Variants in RBMS3 observed in about 807,000 individuals in gnomAD.
RBMS3 encodes the protein RNA binding motif single stranded interacting protein 3, also known as RNA-binding motif, single-stranded-interacting protein 3.
A neutral mutation model predicts 66.8 loss-of-function variants in RBMS3; 27 were observed. That is an observed-to-expected ratio of 0.40 (90% CI 0.30 to 0.56). RBMS3 has a LOEUF of 0.56. Among genes scored for constraint, RBMS3 ranks in the 20% least tolerant of loss-of-function variants. The pLI is 0.40. For synonymous variants in RBMS3, 188 were observed against 183.0 expected (o/e 1.03, Z -0.22); for missense variants, 513 against 549.5 (o/e 0.93, Z 0.66).
At chr3:29,683,121 C>T (rs1202255936) in intron 4 of RBMS3, among the ~76,000 whole-genome samples, 1 of 152,064 alleles carries the variant, frequency 6.6e-6, no homozygotes, top group Non-Finnish European at 1.5e-5. Flanking sequence ...TTTTACTACC[C>T]GGCTTCCTAC....
chr3:29,602,735 G>T (rs2048189510), intron 4 of RBMS3, among the ~76,000 whole-genome samples: 1 of 151,726 alleles, frequency 6.6e-6, no homozygotes, highest in African/African-American at 2.4e-5. Flanking sequence ...TTTTTGTTAT[G>T]GTAAAGACAT....
intron 4 of RBMS3, among the ~76,000 whole-genome samples, chr3:29,599,943 A>G (rs2048087485): frequency 6.6e-6 from 1 of 152,126 alleles, no homozygotes; most frequent in Non-Finnish European, 1.5e-5. Flanking sequence ...AAAAAGATGT[A>G]AGCATACAAG....
intron 12 of RBMS3, among the ~76,000 whole-genome samples, chr3:29,978,724 G>A (rs1697765633): frequency 6.6e-6 from 1 of 151,828 alleles, no homozygotes; most frequent in Non-Finnish European, 1.5e-5. Context: ...AATTATTAAA[G>A]GCCATTAAAA....
At chr3:29,538,416 T>G (rs532013378) in intron 3 of RBMS3, among the ~76,000 whole-genome samples, 10 of 152,176 alleles carry the variant, frequency 6.6e-5, no homozygotes, top group Admixed American at 5.2e-4. Flanking sequence ...GATTATTGAG[T>G]GCGAAGTTTC....
chr3:29,391,460 T>C (rs1176869754), intron 1 of RBMS3, among the ~76,000 whole-genome samples: 1 of 152,134 alleles, frequency 6.6e-6, no homozygotes, highest in African/African-American at 2.4e-5. Flanking sequence ...TGTGACAAAC[T>C]GTGACTTCAT....
rs978853325 is a variant in RBMS3, at chr3:29,338,277, G to T, written c.75+56521G>T. Among the ~76,000 whole-genome samples, 3 of 152,112 alleles carry T rather than the reference G, an allele frequency of 2.0e-5. No individual in the cohort carries two copies. In the South Asian group the frequency reaches 6.2e-4, roughly 31 times the overall value. ...AAATATCACAAATGAGGCTTAGAAT[G>T]TATTTAATACTTCATCTATGAGTTA... is the stretch of plus-strand genomic sequence containing the variant. On this transcript the variant is annotated intron_variant, in intron 1 of 14. Coordinates refer to ENST00000383767, the MANE Select transcript of RBMS3 (RefSeq NM_001003793.3).
intron 3 of RBMS3, among the ~76,000 whole-genome samples, chr3:29,559,631 C>T (rs1363447723): frequency 6.8e-6 from 1 of 146,690 alleles, no homozygotes; most frequent in African/African-American, 2.5e-5. Context: ...CTTGCTTGTT[C>T]CAGGATTTTC....
intron 4 of RBMS3, among the ~76,000 whole-genome samples, chr3:29,646,103 G>C (rs138864300): frequency 2.6e-4 from 40 of 152,304 alleles, no homozygotes; most frequent in African/African-American, 9.4e-4. Flanking sequence ...CTGTATGCCT[G>C]TTTAAATTGA....
intron 1 of RBMS3, among the ~76,000 whole-genome samples, chr3:29,344,423 C>G (rs1302363854): frequency 2.0e-5 from 3 of 152,150 alleles, no homozygotes; most frequent in African/African-American, 7.2e-5. Flanking sequence ...CTTAACAAAA[C>G]AAGGGCAAAT....
intron 1 of RBMS3, among the ~76,000 whole-genome samples, chr3:29,318,370 G>A (rs1217456209): frequency 6.6e-6 from 1 of 151,866 alleles, no homozygotes; most frequent in African/African-American, 2.4e-5. Context: ...CAAAGATGCA[G>A]AAGCCCTAAC....
Position 29,868,726 on chromosome 3 carries a change from G to A in RBMS3, c.638-132G>A, listed in dbSNP as rs527648409. 1.5e-4 allele frequency: 118 copies of A among 778,610 alleles called. No individual in the cohort carries two copies. The South Asian group carries it at 2.0e-3, about 13-fold the overall frequency. 48.2% of individuals were successfully genotyped at this position (778,610 alleles called of 1,614,324 possible). A position where few individuals can be genotyped will look rare whatever the true frequency, so the allele number is the denominator to read the frequency against. On this transcript the variant is annotated intron_variant, in intron 6 of 14. Coordinates refer to ENST00000383767, the MANE Select transcript of RBMS3 (RefSeq NM_001003793.3). Reference sequence around the variant, plus strand: ...GGCCAACAGAGCTGAGACTAAAAGGGGGCCAAATATCTCTTCAGAAGCAAG... The same window carrying A: ...GGCCAACAGAGCTGAGACTAAAAGGAGGCCAAATATCTCTTCAGAAGCAAG...
chr3:29,331,815 C>CTTT (rs11354452), intron 1 of RBMS3, among the ~76,000 whole-genome samples: 40 of 69,692 alleles, frequency 5.7e-4, no homozygotes, highest in African/African-American at 2.0e-3. Flanking sequence ...AGGATAGCTC[C>CTTT]TTTTTTTTTT....
intron 4 of RBMS3, among the ~76,000 whole-genome samples, chr3:29,587,585 C>CT (rs980924106): frequency 2.6e-5 from 4 of 151,688 alleles, no homozygotes; most frequent in African/African-American, 9.7e-5. Flanking sequence ...TCTTGGACTT[C>CT]TACTGGTAAA....
In RBMS3 at chr3:29,308,487, A is replaced by G. The variant is rs563045412; in HGVS notation, c.75+26731A>G. Among the ~76,000 whole-genome samples the G allele has an allele frequency of 3.9e-5, 6 of 151,904 alleles. No homozygotes were observed. The South Asian group carries it at 1.2e-3, about 31-fold the overall frequency. ...AATCACTAAATGGTTTTAAGAAGAG[A>G]AAATAAATGCTTACTATGTGATGCA... is the stretch of plus-strand genomic sequence containing the variant. On this transcript the variant is annotated intron_variant, in intron 1 of 14. Transcript: ENST00000383767.
intron 6 of RBMS3, among the ~76,000 whole-genome samples, chr3:29,840,421 T>C (rs534088263): frequency 1.1e-4 from 17 of 152,158 alleles, no homozygotes; most frequent in African/African-American, 3.8e-4. Flanking sequence ...ATTTTACATT[T>C]TTGAAGATTT....
intron 6 of RBMS3, among the ~76,000 whole-genome samples, chr3:29,839,183 G>A (rs9830075): frequency 0.015 from 2,289 of 152,250 alleles, 46 homozygotes; most frequent in African/African-American, 0.051. Context: ...CCCTGATGCT[G>A]AAATGCACAG....
chr3:29,750,670 ATTAG>A (rs1421667028), intron 5 of RBMS3, among the ~76,000 whole-genome samples: 1 of 152,070 alleles, frequency 6.6e-6, no homozygotes, highest in East Asian at 1.9e-4. Context: ...CCTAGTACCC[ATTAG>A]TTATTTTTCT....
At chr3:29,493,911 C>A (rs1192899924) in intron 3 of RBMS3, among the ~76,000 whole-genome samples, 1 of 152,160 alleles carries the variant, frequency 6.6e-6, no homozygotes, top group East Asian at 1.9e-4. Flanking sequence ...TCATTAAGAG[C>A]ATCAAGACTG....
intron 1 of RBMS3, among the ~76,000 whole-genome samples, chr3:29,399,298 G>A (rs2125661510): frequency 6.6e-6 from 1 of 152,166 alleles, no homozygotes; most frequent in Middle Eastern, 3.4e-3. Flanking sequence ...ATCAGTAATA[G>A]TTTGGTGGCA....
Sources: gnomAD v4.1 joint callset for allele counts (sites outside exome capture counted in the v4.1 genomes callset) on GRCh38, gnomAD v4.1.1 for gene constraint, MANE v1.5 for transcripts, NCBI Gene and HGNC (gene_info 2026-07-23, HGNC 2026-07-21) for gene names.